Variants in CSGALNACT1 observed in about 807,000 individuals in gnomAD.
The protein encoded by CSGALNACT1 is beta4GalNAcT-1.
A neutral mutation model predicts 51.0 loss-of-function variants in CSGALNACT1; 52 were observed. That is an observed-to-expected ratio of 1.02 (90% CI 0.82 to 1.29). The LOEUF (loss-of-function observed/expected upper bound fraction) is 1.29. CSGALNACT1 is among the 50% of genes most tolerant of loss of function. CSGALNACT1 has a pLI of 0.00. For missense variants in CSGALNACT1, 935 were observed against 679.2 expected, an observed-to-expected ratio of 1.38 and a Z score of -4.19; for synonymous variants, 341 against 254.4, an observed-to-expected ratio of 1.34 and a Z score of -3.24.
At chr8:19,637,839 GTTTTT>G (rs11461273) in intron 1 of CSGALNACT1, among the ~76,000 whole-genome samples, 1 of 143,832 alleles carries the variant, frequency 7.0e-6, no homozygotes, top group Non-Finnish European at 1.5e-5. Context: ...AGCCTGACCA[GTTTTT>G]TTTTTTTTTT....
At chr8:19,584,747 A>T (rs1044218680) in intron 3 of CSGALNACT1, among the ~76,000 whole-genome samples, 11 of 152,252 alleles carry the variant, frequency 7.2e-5, no homozygotes, top group African/African-American at 2.2e-4. Flanking sequence ...TGCAAGGCTG[A>T]TAGCAGTACA....
At chr8:19,678,945 G>A (rs1053734297) in intron 1 of CSGALNACT1, 1 of 152,178 alleles carries the variant, frequency 6.6e-6, no homozygotes, top group Non-Finnish European at 1.5e-5. Flanking sequence ...CATGCTGGGA[G>A]CTTGACTGTC....
intron 1 of CSGALNACT1, among the ~76,000 whole-genome samples, chr8:19,651,348 A>G (rs76119269): frequency 0.044 from 6,738 of 152,230 alleles, 233 homozygotes; most frequent in Non-Finnish European, 0.063. Flanking sequence ...CATTCTGTAC[A>G]CAGATTATTT....
chr8:19,582,173 G>C (rs974465177), intron 3 of CSGALNACT1, among the ~76,000 whole-genome samples: 9 of 152,208 alleles, frequency 5.9e-5, no homozygotes, highest in Non-Finnish European at 1.5e-5. Context: ...ACTAGGCACT[G>C]CAAGTGACTA....
intron 1 of CSGALNACT1, among the ~76,000 whole-genome samples, chr8:19,700,603 C>G (rs1220844798): frequency 1.3e-5 from 2 of 152,190 alleles, no homozygotes; most frequent in South Asian, 4.1e-4. Context: ...AAGTCTCTCC[C>G]TCTATCCCTG....
intron 3 of CSGALNACT1, among the ~76,000 whole-genome samples, chr8:19,571,609 T>A (rs570494643): frequency 2.6e-5 from 4 of 151,858 alleles, no homozygotes; most frequent in Admixed American, 1.3e-4. Flanking sequence ...CAGAAAGGGG[T>A]TTTTGAAAGT....
intron 4 of CSGALNACT1, among the ~76,000 whole-genome samples, chr8:19,478,073 G>C (rs1306946973): frequency 1.3e-5 from 2 of 152,138 alleles, no homozygotes; most frequent in Non-Finnish European, 2.9e-5. Context: ...TTAAACAGCA[G>C]TGTGCAACTG....
At chr8:19,550,744 C>T (rs1588194834) in intron 3 of CSGALNACT1, among the ~76,000 whole-genome samples, 1 of 152,152 alleles carries the variant, frequency 6.6e-6, no homozygotes, top group Non-Finnish European at 1.5e-5. Flanking sequence ...ACTGGTCTTT[C>T]TCAGATGTGA....
At chr8:19,477,946 T>C (rs1276952902) in intron 4 of CSGALNACT1, among the ~76,000 whole-genome samples, 1 of 152,168 alleles carries the variant, frequency 6.6e-6, no homozygotes, top group African/African-American at 2.4e-5. Context: ...GTCAAATATA[T>C]TTCATGATGT....
At position 19,486,891 on chromosome 8, in the gene CSGALNACT1, C is replaced by T. The variant is rs150018226; in HGVS notation, c.634+18310G>A. On this transcript the variant is annotated intron_variant, in intron 4 of 9. Coordinates refer to ENST00000454498, the Ensembl canonical transcript of CSGALNACT1. ...CCCCATTGCCTGGGACAGTACCTGG[C>T]GCACAGTAGCTGCCCAACAACACTT... 9.3e-4 allele frequency among the ~76,000 whole-genome samples: 142 copies of T among 152,252 alleles called. No homozygotes were observed. The Middle Eastern group carries it at 0.014, about 15-fold the overall frequency.
At chr8:19,462,114 G>T (rs34221121) in intron 4 of CSGALNACT1, among the ~76,000 whole-genome samples, 6 of 151,858 alleles carry the variant, frequency 4.0e-5, no homozygotes, top group Non-Finnish European at 8.8e-5. Context: ...CACAGGCGGT[G>T]TATCTGCAAA....
At chr8:19,484,975 G>C (rs190294110) in intron 4 of CSGALNACT1, among the ~76,000 whole-genome samples, 1 of 152,034 alleles carries the variant, frequency 6.6e-6, no homozygotes, top group African/African-American at 2.4e-5. Flanking sequence ...AGAGCCCTCC[G>C]AAAAAACCAG....
Position 19,589,603 on chromosome 8 carries a change from T to G in CSGALNACT1, c.-297+1557A>C, listed in dbSNP as rs550766146. Reference sequence around the variant, plus strand: ...ACCTTGGCCTCCAAAAGTGCTGGGATTATAGGTGTTAGCCACCGTGCACAG... The same window carrying G: ...ACCTTGGCCTCCAAAAGTGCTGGGAGTATAGGTGTTAGCCACCGTGCACAG... On this transcript the variant is annotated intron_variant, in intron 3 of 9. Transcript: ENST00000454498. Among the ~76,000 whole-genome samples the G allele has an allele frequency of 2.0e-5, 3 of 152,286 alleles. No individual in the cohort carries two copies. The South Asian group carries it at 6.2e-4, about 32-fold the overall frequency.
At chr8:19,509,007 T>C (rs978798752) in intron 3 of CSGALNACT1, among the ~76,000 whole-genome samples, 1 of 152,204 alleles carries the variant, frequency 6.6e-6, no homozygotes, top group Admixed American at 6.5e-5. Context: ...AAAAGACAGA[T>C]TTTTAGGAAG....
At chr8:19,573,880 C>G (rs2043576186) in intron 3 of CSGALNACT1, among the ~76,000 whole-genome samples, 1 of 152,182 alleles carries the variant, frequency 6.6e-6, no homozygotes, top group African/African-American at 2.4e-5. Flanking sequence ...CTTAAGAGGA[C>G]TGGTTCCATC....
chr8:19,645,340 T>G (rs1019225794), intron 1 of CSGALNACT1, among the ~76,000 whole-genome samples: 6 of 152,230 alleles, frequency 3.9e-5, no homozygotes, highest in African/African-American at 1.4e-4. Flanking sequence ...TGGAGAATAC[T>G]GTCCAACTGA....
At chr8:19,426,691 C>G (rs977152216) in intron 6 of CSGALNACT1, among the ~76,000 whole-genome samples, 1 of 152,140 alleles carries the variant, frequency 6.6e-6, no homozygotes, top group African/African-American at 2.4e-5. Flanking sequence ...ATCTGGTGCA[C>G]GGAGACTCCT....
chr8:19,408,054 G>A (rs2054697674), intron 9 of CSGALNACT1, among the ~76,000 whole-genome samples: 1 of 152,098 alleles, frequency 6.6e-6, no homozygotes, highest in African/African-American at 2.4e-5. Context: ...CTTCCTCCCA[G>A]TTCCCCTATT....
chr8:19,509,866 A>G (rs2078121998), intron 3 of CSGALNACT1, among the ~76,000 whole-genome samples: 1 of 152,170 alleles, frequency 6.6e-6, no homozygotes, highest in South Asian at 2.1e-4. Flanking sequence ...CAGTGAAAAT[A>G]CAGCTTTATG....
Sources: gnomAD v4.1 joint callset for allele counts (sites outside exome capture counted in the v4.1 genomes callset) on GRCh38, gnomAD v4.1.1 for gene constraint, MANE v1.5 for transcripts, NCBI Gene and HGNC (gene_info 2026-07-23, HGNC 2026-07-21) for gene names.